CELF2: variants seen among roughly 807,000 people sequenced by gnomAD.
CELF2 encodes CUG triplet repeat RNA-binding protein 2.
In CELF2, 8 loss-of-function variants were observed where a neutral mutation model predicts 62.6. The ratio of observed to expected loss-of-function variants is 0.13; its 90% confidence interval spans 0.07 to 0.23. CELF2 has a LOEUF of 0.23. Ranked by LOEUF, CELF2 falls within the 10% of genes least tolerant of loss-of-function variation. The probability of loss-of-function intolerance (pLI) is 1.00; values close to 1 mark genes in which losing one functional copy is unlikely to be tolerated. For synonymous variants in CELF2, 258 were observed against 250.0 expected (o/e 1.03, Z -0.30); for missense variants, 333 against 671.0 (o/e 0.50, Z 5.56).
intron 1 of CELF2, among the ~76,000 whole-genome samples, chr10:10,890,409 T>C (rs777879236): frequency 6.6e-6 from 1 of 152,100 alleles, no homozygotes; most frequent in Non-Finnish European, 1.5e-5. Context: ...CAAAATGTCA[T>C]GGCAAAAAAA....
rs943595193 is a variant in CELF2 at position 11,178,642 on chromosome 10, T to C, written c.271+12960T>C. On this transcript the variant is annotated intron_variant, in intron 2 of 12. Coordinates refer to ENST00000633077, the MANE Select transcript of CELF2 (RefSeq NM_001326342.2). This position sits in a 1 kb window ranked among gnomAD's most constrained non-coding sequence, Gnocchi z 4.3. The stretch of plus-strand genomic sequence containing the variant: ...CCAAGGCAAATAAATGTGTGACAGC[T>C]TAAGAGGCGAAAAGAAGAGTCTTCG... 1.3e-5 allele frequency among the ~76,000 whole-genome samples: 2 copies of C among 152,212 alleles called. No individual in the cohort carries two copies. The highest frequency in any genetic ancestry group is 4.8e-5 in the African/African-American group (2 of 41,444).
At chr10:10,910,381 G>A (rs12259653) in intron 1 of CELF2, among the ~76,000 whole-genome samples, 12,754 of 152,082 alleles carry the variant, frequency 0.084, 1,121 homozygotes, top group African/African-American at 0.22. Context: ...TTGGAGAGAT[G>A]TCACTTTGTT....
the CELF2 span, among the ~76,000 whole-genome samples, chr10:10,640,647 T>C: frequency 1.2e-4 from 19 of 152,236 alleles, no homozygotes; most frequent in Non-Finnish European, 2.6e-4. Context: ...AAGACCAGCA[T>C]GTAGGCACTC....
rs1041530807 is a variant in CELF2 at position 11,242,095 on chromosome 10, TC to T, written c.355-7054del. ...TCTTTCGTGAATTCACTTCTTTCCA[TC>T]CCCTCTCTCTACTTTTAAATATTTT... is the stretch of plus-strand genomic sequence containing the variant. On this transcript the variant is annotated intron_variant, in intron 3 of 12. Coordinates refer to ENST00000633077, the MANE Select transcript of CELF2 (RefSeq NM_001326342.2). The surrounding 1 kb of genome is among the most constrained non-coding windows in gnomAD (Gnocchi z 4.8). 1.3e-5 allele frequency among the ~76,000 whole-genome samples: 2 copies of T among 152,164 alleles called. No individual in the cohort carries two copies. Among genetic ancestry groups the T allele is most frequent in the African/African-American group, 2.4e-5 (1 of 41,424 alleles).
chr10:11,078,166 A>C (rs998101586), intron 1 of CELF2, among the ~76,000 whole-genome samples: 2 of 122,624 alleles, frequency 1.6e-5, no homozygotes, highest in African/African-American at 6.5e-5. Context: ...AGCTTCTTTA[A>C]GACATTCAGT....
chr10:10,786,612 A>G, the CELF2 span: 2 of 152,242 alleles, frequency 1.3e-5, no homozygotes, highest in Non-Finnish European at 2.9e-5. Context: ...AACTCAAAGA[A>G]TGGAAATCAA....
chr10:11,323,919 ATC>A (rs2095586326), intron 11 of CELF2, among the ~76,000 whole-genome samples: 1 of 127,308 alleles, frequency 7.9e-6, no homozygotes, highest in African/African-American at 3.7e-5. Flanking sequence ...TCCATATGAA[ATC>A]TTTTTTTTTT....
the CELF2 span, among the ~76,000 whole-genome samples, chr10:10,662,442 A>AT: frequency 6.6e-6 from 1 of 152,112 alleles, no homozygotes; most frequent in Non-Finnish European, 1.5e-5. Flanking sequence ...CACCACAGAG[A>AT]CAACGCAAGC....
At chr10:10,632,950 A>G in the CELF2 span, among the ~76,000 whole-genome samples, 2 of 152,332 alleles carry the variant, frequency 1.3e-5, no homozygotes, top group Middle Eastern at 3.4e-3. Flanking sequence ...TACATCTTGT[A>G]GCTCACTTCA....
rs1031143396 is a variant in CELF2, at chr10:10,938,795, G to A, written c.89+18796G>A. 6.6e-6 allele frequency among the ~76,000 whole-genome samples: 1 copy of A among 152,210 alleles called. No homozygotes were observed. The highest frequency in any genetic ancestry group is 1.5e-5 in the Non-Finnish European group (1 of 68,044). ...GTTAGTGCCTGGACAACTCAGGCTCGAGCCCGCTGGGGACCCCGTGAAGCA... is the reference window on the plus strand; with the variant it reads ...GTTAGTGCCTGGACAACTCAGGCTCAAGCCCGCTGGGGACCCCGTGAAGCA... On this transcript the variant is annotated intron_variant, in intron 2 of 13. Transcript: ENST00000636488. This position sits in a 1 kb window ranked among gnomAD's most constrained non-coding sequence, Gnocchi z 4.2.
At chr10:10,477,647 C>T in the CELF2 span, among the ~76,000 whole-genome samples, 1 of 151,552 alleles carries the variant, frequency 6.6e-6, no homozygotes, top group Non-Finnish European at 1.5e-5. Context: ...ATTAAGAGCT[C>T]GACAGACTGT....
chr10:10,814,831 T>G (rs2056296829), intron 1 of CELF2, among the ~76,000 whole-genome samples: 1 of 152,154 alleles, frequency 6.6e-6, no homozygotes, highest in South Asian at 2.1e-4. Context: ...ACAGAAGAAC[T>G]CAGGAATTCG....
chr10:11,136,018 TATAC>T (rs1210548704), intron 1 of CELF2, among the ~76,000 whole-genome samples: 2 of 152,162 alleles, frequency 1.3e-5, no homozygotes. Context: ...TGGACTATAA[TATAC>T]AGGCACTTGG....
chr10:11,080,917 C>T (rs113207268), intron 1 of CELF2, among the ~76,000 whole-genome samples: 6,744 of 152,294 alleles, frequency 0.044, 189 homozygotes, highest in Non-Finnish European at 0.071. Context: ...CAGGCTAGGG[C>T]TGTCTGTCTC....
chr10:11,301,646 C>T (rs918907110), intron 9 of CELF2, among the ~76,000 whole-genome samples: 1 of 149,556 alleles, frequency 6.7e-6, no homozygotes, highest in African/African-American at 2.5e-5. Context: ...GGGAGCTGAG[C>T]GTGGCCCTCG....
At chr10:11,293,044 G>A (rs1455852760) in intron 9 of CELF2, among the ~76,000 whole-genome samples, 1 of 152,184 alleles carries the variant, frequency 6.6e-6, no homozygotes, top group Non-Finnish European at 1.5e-5. Flanking sequence ...CCTGAGTGTG[G>A]CATTCAGGGT....
At chr10:10,951,325 A>G (rs2048298087) in intron 2 of CELF2, among the ~76,000 whole-genome samples, 1 of 152,078 alleles carries the variant, frequency 6.6e-6, no homozygotes, top group African/African-American at 2.4e-5. Flanking sequence ...TTGTAGAGAC[A>G]GGGTTCTTGC....
rs368005042 is a variant in CELF2, at chr10:11,211,759, TGTGAGTGA to T, written c.272-5660_272-5653del. On this transcript the variant is annotated intron_variant, in intron 2 of 12. Coordinates refer to ENST00000633077, the MANE Select transcript of CELF2 (RefSeq NM_001326342.2). This position sits in a 1 kb window ranked among gnomAD's most constrained non-coding sequence, Gnocchi z 4.8. ...TTATGATTTTAAACACACTACTGTG[TGTGAGTGA>T]GTGAGAGTGTGTGTGTATGTGTGTG... 1.3e-5 allele frequency among the ~76,000 whole-genome samples: 2 copies of T among 151,954 alleles called. No homozygotes were observed. Among genetic ancestry groups the T allele is most frequent in the African/African-American group, 4.8e-5 (2 of 41,342 alleles).
In CELF2 at chr10:11,233,131, A is replaced by G. The variant is rs184439262; in HGVS notation, c.354+15624A>G. 1.5e-4 allele frequency among the ~76,000 whole-genome samples: 23 copies of G among 152,334 alleles called. No individual in the cohort carries two copies. The East Asian group carries it at 4.0e-3, about 27-fold the overall frequency. On this transcript the variant is annotated intron_variant, in intron 3 of 12. Coordinates refer to ENST00000633077, the MANE Select transcript of CELF2 (RefSeq NM_001326342.2). ...TTCTAACTAATGAAAGAGTAAATAC[A>G]CCAGCTGTTCAGGCCCAACACTGAT...
Sources: allele counts gnomAD v4.1 joint callset (sites outside exome capture counted in the v4.1 genomes callset), GRCh38; gene constraint gnomAD v4.1.1; non-coding constraint Gnocchi (gnomAD v3.1); transcripts MANE v1.5; gene names NCBI Gene and HGNC (gene_info 2026-07-23, HGNC 2026-07-21).